DSCAM: variants seen among roughly 807,000 people sequenced by gnomAD.
DSCAM encodes the protein cell adhesion molecule DSCAM.
In DSCAM, 47 loss-of-function variants were observed where a neutral mutation model predicts 217.7. That is an observed-to-expected ratio of 0.22 (90% CI 0.17 to 0.28). The LOEUF is 0.28. Among genes scored for constraint, DSCAM ranks in the 10% least tolerant of loss-of-function variants. The pLI is 1.00. For missense variants in DSCAM, 2,080 were observed against 2,618.3 expected (o/e 0.79, Z 4.49); for synonymous variants, 1,056 against 1,015.3 (o/e 1.04, Z -0.76).
chr21:40,372,928 T>C (rs1033303527), intron 3 of DSCAM, among the ~76,000 whole-genome samples: 1 of 152,162 alleles, frequency 6.6e-6, no homozygotes, highest in Non-Finnish European at 1.5e-5. Flanking sequence ...TGGTTAAGAT[T>C]AGCATAGGGG....
intron 10 of DSCAM, among the ~76,000 whole-genome samples, chr21:40,288,440 C>T (rs1178544938): frequency 6.6e-6 from 1 of 151,950 alleles, no homozygotes; most frequent in East Asian, 1.9e-4. Context: ...CTAGAAGGAA[C>T]AAACAAACAA....
At chr21:40,081,731 A>C (rs2089463274) in intron 24 of DSCAM, among the ~76,000 whole-genome samples, 1 of 152,120 alleles carries the variant, frequency 6.6e-6, no homozygotes, top group Non-Finnish European at 1.5e-5. Flanking sequence ...CCCTGCTATC[A>C]TCCTCAGTGC....
chr21:40,222,045 T>A (rs997456340), intron 11 of DSCAM, among the ~76,000 whole-genome samples: 2 of 152,186 alleles, frequency 1.3e-5, no homozygotes, highest in Admixed American at 1.3e-4. Flanking sequence ...ACAAACATTT[T>A]CTCAAAAGGA....
At chr21:40,303,028 G>A (rs1264529379) in intron 9 of DSCAM, among the ~76,000 whole-genome samples, 1 of 152,152 alleles carries the variant, frequency 6.6e-6, no homozygotes, top group Non-Finnish European at 1.5e-5. Context: ...TTCCCTAGCT[G>A]TAAACCTGGG....
In DSCAM at chr21:40,732,702, T is replaced by C. The variant is rs142618541; in HGVS notation, c.44-23931A>G. ...TACTTGTATCATAAAACTAGAAAAG[T>C]CTAGCCTGAATCCAAGACAAATGCA... On this transcript the variant is annotated intron_variant, in intron 1 of 32. Transcript: ENST00000400454. Among the ~76,000 whole-genome samples the C allele has an allele frequency of 2.6e-5, 4 of 152,318 alleles. No homozygotes were observed. The East Asian group carries it at 7.7e-4, about 29-fold the overall frequency.
At chr21:40,519,866 G>GTC (rs1568873198) in intron 3 of DSCAM, among the ~76,000 whole-genome samples, 1 of 101,482 alleles carries the variant, frequency 9.9e-6, no homozygotes, top group Non-Finnish European at 2.0e-5. Context: ...GTGTGTATGC[G>GTC]TGTGTGTGTG....
chr21:40,339,755 C>T (rs73355316), intron 6 of DSCAM, among the ~76,000 whole-genome samples: 2,689 of 152,274 alleles, frequency 0.018, 74 homozygotes, highest in African/African-American at 0.062. Context: ...TATAAACAGA[C>T]GGAAAATCCA....
intron 11 of DSCAM, among the ~76,000 whole-genome samples, chr21:40,195,279 C>T (rs964889890): frequency 2.0e-5 from 3 of 152,072 alleles, no homozygotes; most frequent in African/African-American, 7.2e-5. Flanking sequence ...ATCAATAATG[C>T]AAAATTAATC....
intron 11 of DSCAM, among the ~76,000 whole-genome samples, chr21:40,223,891 G>A (rs1234578397): frequency 3.3e-5 from 5 of 152,170 alleles, no homozygotes; most frequent in African/African-American, 1.2e-4. Context: ...CCATGTGATG[G>A]TTGCCTCCAT....
intron 20 of DSCAM, among the ~76,000 whole-genome samples, chr21:40,111,289 C>T (rs913394647): frequency 1.3e-5 from 2 of 151,954 alleles, no homozygotes; most frequent in Non-Finnish European, 1.5e-5. Context: ...GAATTTTCAA[C>T]CCAGAATTTC....
intron 3 of DSCAM, among the ~76,000 whole-genome samples, chr21:40,613,046 T>C (rs1171204792): frequency 6.6e-6 from 1 of 152,210 alleles, no homozygotes; most frequent in African/African-American, 2.4e-5. Flanking sequence ...GATAGATGGC[T>C]GTGACAGATG....
intron 32 of DSCAM, among the ~76,000 whole-genome samples, chr21:40,032,064 G>T (rs1362886801): frequency 6.6e-6 from 1 of 152,128 alleles, no homozygotes; most frequent in Admixed American, 6.5e-5. Flanking sequence ...GCCTAACTCA[G>T]CTCCTTCTGT....
intron 3 of DSCAM, among the ~76,000 whole-genome samples, chr21:40,643,934 C>T (rs2089913175): frequency 6.6e-6 from 1 of 152,218 alleles, no homozygotes; most frequent in African/African-American, 2.4e-5. Flanking sequence ...TTTGTTACGG[C>T]AGCCTGAACA....
intron 3 of DSCAM, among the ~76,000 whole-genome samples, chr21:40,460,195 G>A (rs562485321): frequency 7.6e-4 from 116 of 152,200 alleles, no homozygotes; most frequent in African/African-American, 2.7e-3. Context: ...CCTAGGTAAT[G>A]GGTTGATAGG....
intron 2 of DSCAM, among the ~76,000 whole-genome samples, chr21:40,699,986 G>A (rs931814331): frequency 6.6e-6 from 1 of 152,068 alleles, no homozygotes; most frequent in Admixed American, 6.5e-5. Context: ...AGCTAGAGAG[G>A]AGAAGTCAAT....
chr21:40,694,023 A>G (rs931582263), intron 2 of DSCAM, among the ~76,000 whole-genome samples: 2 of 152,172 alleles, frequency 1.3e-5, no homozygotes, highest in Non-Finnish European at 2.9e-5. Flanking sequence ...GTGGTGAATC[A>G]GTTAACGTAG....
chr21:40,320,705 G>C (rs541215641), intron 8 of DSCAM, among the ~76,000 whole-genome samples: 5 of 152,204 alleles, frequency 3.3e-5, no homozygotes, highest in Non-Finnish European at 5.9e-5. Flanking sequence ...GAATGAGGAA[G>C]ACGCAAAAGC....
At chr21:40,309,064 A>G (rs865965132) in intron 9 of DSCAM, among the ~76,000 whole-genome samples, 13 of 152,276 alleles carry the variant, frequency 8.5e-5, no homozygotes, top group South Asian at 6.2e-4. Flanking sequence ...GCTTATTCTC[A>G]TAAGCATAAA....
At chr21:40,022,616 G>A (rs1358427793) in intron 32 of DSCAM, among the ~76,000 whole-genome samples, 1 of 152,132 alleles carries the variant, frequency 6.6e-6, no homozygotes, top group African/African-American at 2.4e-5. Flanking sequence ...ATTGGCACCC[G>A]CTGAGGCAGG....
Sources: gnomAD v4.1 joint callset for allele counts (sites outside exome capture counted in the v4.1 genomes callset) on GRCh38, gnomAD v4.1.1 for gene constraint, MANE v1.5 for transcripts, NCBI Gene and HGNC (gene_info 2026-07-23, HGNC 2026-07-21) for gene names.